The following DIPK2B variants were observed in gnomAD, a reference collection of about 807,000 sequenced individuals.
DIPK2B encodes divergent protein kinase domain 2B, also known as UPF0672 protein CXorf36.
DIPK2B carries 15 observed loss-of-function variants against 22.2 expected under a neutral mutation model. That is an observed-to-expected ratio of 0.68 (90% CI 0.45 to 1.04). DIPK2B has a LOEUF of 1.04. DIPK2B is among the 50% of genes least tolerant of loss of function. The pLI, the probability that DIPK2B is intolerant of heterozygous loss-of-function variation, is 0.00. For synonymous variants in DIPK2B, 163 were observed against 153.2 expected (o/e 1.06, Z -0.47); for missense variants, 345 against 348.3 (o/e 0.99, Z 0.08).
rs766549240 is a variant in DIPK2B at position 45,164,283 on chromosome X, T to C, written c.499-6395A>G. The C allele has an allele frequency of 2.1e-5, 25 of 1,178,218 alleles. No homozygotes were observed. In the East Asian group the frequency reaches 4.2e-4, roughly 20 times the overall value. Reference sequence around the variant, plus strand: ...TTAAAATGATTGATTAAAAAAAGGCTTCAAAAGATTTGTGGAAAATGTGAC... The same window carrying C: ...TTAAAATGATTGATTAAAAAAAGGCCTCAAAAGATTTGTGGAAAATGTGAC... On this transcript the variant is annotated intron_variant, in intron 2 of 4. Transcript: ENST00000398000.
intron 2 of DIPK2B, 61 bp downstream of exon 2, chrX:45,191,690 A>C: frequency 1.9e-6 from 2 of 1,077,062 alleles, no homozygotes; most frequent in Non-Finnish European, 2.5e-6. Context: ...ATGGGAATGA[A>C]TCTCTCTCTC....
At chrX:45,176,924 G>A (rs2047121976) in intron 2 of DIPK2B, among the ~76,000 whole-genome samples, 1 of 111,582 alleles carries the variant, frequency 9.0e-6, no homozygotes, top group African/African-American at 3.3e-5. Flanking sequence ...CCCAAATTGG[G>A]TAGACATTTC....
intron 2 of DIPK2B, among the ~76,000 whole-genome samples, chrX:45,173,452 T>C (rs1371772282): frequency 9.0e-5 from 10 of 111,121 alleles, no homozygotes; most frequent in Admixed American, 3.8e-4. Context: ...TCTGGGTACC[T>C]GAGAGAAGCT....
At chrX:45,161,056 T>C (rs2047020255) in intron 2 of DIPK2B, among the ~76,000 whole-genome samples, 1 of 111,494 alleles carries the variant, frequency 9.0e-6, no homozygotes, top group African/African-American at 3.3e-5. Context: ...AGGGAGAGGA[T>C]GTAGCTTTCT....
At chrX:45,196,294 A>G (rs186797475) in intron 1 of DIPK2B, among the ~76,000 whole-genome samples, 2 of 111,327 alleles carry the variant, frequency 1.8e-5, no homozygotes, top group Non-Finnish European at 3.8e-5. Flanking sequence ...GGGTGGATGG[A>G]TGGTGGATGG....
chrX:45,152,993 C>A (rs192370260), intron 4 of DIPK2B, among the ~76,000 whole-genome samples: 183 of 111,869 alleles, frequency 1.6e-3, no homozygotes, highest in African/African-American at 5.4e-3. Flanking sequence ...AACAAGTAAT[C>A]CCAAATATGT....
At chrX:45,185,657 T>TC (rs1037771513) in intron 2 of DIPK2B, among the ~76,000 whole-genome samples, 1 of 100,226 alleles carries the variant, frequency 1.0e-5, no homozygotes, top group African/African-American at 3.7e-5. Context: ...TCTTTTCTTT[T>TC]TTTTTTTTTT....
chrX:45,191,766 C>T lies in DIPK2B; in HGVS notation c.483G>A (p.Thr161=), dbSNP rs143525637. 16 of 1,209,584 alleles carry T rather than the reference C, an allele frequency of 1.3e-5. No homozygotes were observed. The African/African-American group carries it at 1.6e-4, about 12-fold the overall frequency. ...TCACACTCACCTGCACCAGGTCCGGCGTGAGGCGCTTGGCCTGCAGCCATT... is the reference window on the plus strand; with the variant it reads ...TCACACTCACCTGCACCAGGTCCGGTGTGAGGCGCTTGGCCTGCAGCCATT... ...FQKWLQAKRL[T]PDLVQGLASP... The change falls in exon 2 of 5, where the codon ACG becomes ACA. Residue 161 remains threonine (T), a synonymous_variant. Coordinates refer to ENST00000398000, the MANE Select transcript of DIPK2B (RefSeq NM_176819.4).
At chrX:45,180,685 CA>C (rs1280016466) in intron 2 of DIPK2B, among the ~76,000 whole-genome samples, 2 of 111,584 alleles carry the variant, frequency 1.8e-5, no homozygotes, top group Non-Finnish European at 3.8e-5. Flanking sequence ...ATCATTTGTA[CA>C]GTAGTTCCCT....
chrX:45,172,487 C>T (rs1044181822), intron 2 of DIPK2B, among the ~76,000 whole-genome samples: 11 of 111,640 alleles, frequency 9.9e-5, no homozygotes, highest in Middle Eastern at 4.6e-3. Flanking sequence ...GTAGCCCACA[C>T]CTTGGATGAC....
At chrX:45,161,858 G>T (rs905660533) in intron 2 of DIPK2B, among the ~76,000 whole-genome samples, 1 of 111,839 alleles carries the variant, frequency 8.9e-6, no homozygotes, top group African/African-American at 3.3e-5. Flanking sequence ...TTTAAAACAC[G>T]TTTGTAAACT....
At chrX:45,176,368 A>G (rs1486839500) in intron 2 of DIPK2B, among the ~76,000 whole-genome samples, 1 of 112,010 alleles carries the variant, frequency 8.9e-6, no homozygotes, top group Non-Finnish European at 1.9e-5. Context: ...AAAAGAAAGC[A>G]TCAATCTCAA....
intron 1 of DIPK2B, among the ~76,000 whole-genome samples, chrX:45,195,695 C>T (rs2047235954): frequency 8.9e-6 from 1 of 112,245 alleles, no homozygotes; most frequent in East Asian, 2.8e-4. Context: ...GTTCACAATG[C>T]TCTGCCTGCT....
chrX:45,158,163 C>T (rs1258063884), intron 2 of DIPK2B, among the ~76,000 whole-genome samples: 2 of 106,856 alleles, frequency 1.9e-5, no homozygotes, highest in African/African-American at 6.9e-5. Flanking sequence ...TGGGAGGCCC[C>T]CTCCCCCACC....
chrX:45,169,603 C>T (rs1281408473), intron 2 of DIPK2B, among the ~76,000 whole-genome samples: 1 of 111,944 alleles, frequency 8.9e-6, no homozygotes, highest in Non-Finnish European at 1.9e-5. Flanking sequence ...ACCAAGGACA[C>T]CCCAATTGCC....
intron 2 of DIPK2B, among the ~76,000 whole-genome samples, chrX:45,189,187 C>G (rs2047198515): frequency 8.9e-6 from 1 of 112,704 alleles, no homozygotes. Flanking sequence ...GCCACTATGT[C>G]CATCCCACAT....
chrX:45,173,554 T>C (rs946069833), intron 2 of DIPK2B, among the ~76,000 whole-genome samples: 1 of 107,773 alleles, frequency 9.3e-6, no homozygotes, highest in African/African-American at 3.4e-5. Context: ...CTTTCTTTTT[T>C]CTTTCTTCTT....
chrX:45,193,226 A>T (rs1382116481), intron 1 of DIPK2B, among the ~76,000 whole-genome samples: 1 of 112,613 alleles, frequency 8.9e-6, no homozygotes, highest in Non-Finnish European at 1.9e-5. Context: ...ACTCAGAAAA[A>T]GTTTACCTTC....
chrX:45,191,870 T>C lies in DIPK2B; in HGVS notation c.379A>G (p.Arg127Gly), dbSNP rs936158451. 8.3e-7 allele frequency: 1 copy of C among 1,210,647 alleles called. No individual in the cohort carries two copies. The highest frequency in any genetic ancestry group is 1.7e-5 in the African/African-American group (1 of 57,300). Residue 127 changes from arginine (R) to glycine (G), a missense_variant, in exon 2 of 5, where the codon AGG (arginine) becomes GGG (glycine). By Grantham distance (125) the Arg-to-Gly change is moderately radical (BLOSUM62 -2). Transcript: ENST00000398000. ...GCTGATGCAGAGGCACAGATTCTCC[T>C]GTCTGAGATCTCGTTTTGATATTTG... is the stretch of plus-strand genomic sequence containing the variant. ...VSKYQNEISDRRICASASAPK... is the reference protein window; with the variant it reads ...VSKYQNEISDGRICASASAPK...
Sources: allele counts gnomAD v4.1 joint callset (sites outside exome capture counted in the v4.1 genomes callset), GRCh38; gene constraint gnomAD v4.1.1; transcripts MANE v1.5; gene names NCBI Gene and HGNC (gene_info 2026-07-23, HGNC 2026-07-21).